NLGN1: variants seen among roughly 807,000 people sequenced by gnomAD.
NLGN1 encodes neuroligin 1.
Under a neutral mutation model 65.5 loss-of-function variants are expected in NLGN1, and 12 were observed. That is an observed-to-expected ratio of 0.18 (90% CI 0.12 to 0.30). The LOEUF (loss-of-function observed/expected upper bound fraction) is 0.30, where lower values mean the gene tolerates loss of function less well. Ranked by LOEUF, NLGN1 falls within the 10% of genes least tolerant of loss-of-function variation. The pLI, the probability that NLGN1 is intolerant of heterozygous loss-of-function variation, is 1.00. For missense variants in NLGN1, 750 were observed against 1,007.1 expected (o/e 0.74, Z 3.46); for synonymous variants, 350 against 359.5 (o/e 0.97, Z 0.30).
intron 4 of NLGN1, among the ~76,000 whole-genome samples, chr3:174,242,820 A>G (rs918748632): frequency 3.3e-5 from 5 of 152,168 alleles, no homozygotes; most frequent in Non-Finnish European, 7.3e-5. Flanking sequence ...CATCCATGGA[A>G]AAATTGGCTT....
chr3:173,708,335 G>C lies in NLGN1; in HGVS notation c.494-99345G>C, dbSNP rs147663501. Among the ~76,000 whole-genome samples the C allele has an allele frequency of 7.9e-5, 12 of 152,274 alleles. No individual in the cohort carries two copies. In the East Asian group the frequency reaches 2.1e-3, roughly 27 times the overall value. On this transcript the variant is annotated intron_variant, in intron 3 of 6. Transcript: ENST00000457714. ...GCAGAAGGCCCCTCCCTTGTTGCCT[G>C]ATCAGTTTCCTTTTCATCCCCAGCT...
At chr3:173,501,199 A>G (rs1439667734) in intron 2 of NLGN1, among the ~76,000 whole-genome samples, 1 of 151,946 alleles carries the variant, frequency 6.6e-6, no homozygotes, top group Non-Finnish European at 1.5e-5. Flanking sequence ...CTATCAACCC[A>G]TCATCTAGGT....
At chr3:173,836,247 A>G (rs571334841) in intron 4 of NLGN1, among the ~76,000 whole-genome samples, 89 of 152,318 alleles carry the variant, frequency 5.8e-4, no homozygotes, top group African/African-American at 1.9e-3. Flanking sequence ...TGATAATTCT[A>G]TAATGACTTA....
rs528782934 is a variant in NLGN1 at position 173,413,834 on chromosome 3, CA to C, written c.-390+15351del. Reference sequence around the variant, plus strand: ...CAGGTGATTCTGGCTACCCTATGGGCAAAAGGTTTCAAGAACCTTCTTCTCC... The same window carrying C: ...CAGGTGATTCTGGCTACCCTATGGGCAAAGGTTTCAAGAACCTTCTTCTCC... On this transcript the variant is annotated intron_variant, in intron 1 of 6. Transcript: ENST00000457714. Among the ~76,000 whole-genome samples the C allele has an allele frequency of 1.2e-4, 19 of 152,218 alleles. No individual in the cohort carries two copies. The Middle Eastern group carries it at 0.017, about 136-fold the overall frequency.
At chr3:173,955,146 AT>A (rs1329535197) in intron 4 of NLGN1, among the ~76,000 whole-genome samples, 1 of 151,972 alleles carries the variant, frequency 6.6e-6, no homozygotes, top group Non-Finnish European at 1.5e-5. Flanking sequence ...TCATAGAATT[AT>A]CATAAGTCAG....
intron 4 of NLGN1, among the ~76,000 whole-genome samples, chr3:173,943,706 C>T (rs1284838052): frequency 2.6e-5 from 4 of 152,092 alleles, no homozygotes; most frequent in African/African-American, 7.2e-5. Context: ...AATTTTCTTC[C>T]CTGCCATTTT....
chr3:173,685,117 A>G (rs1347950459), intron 3 of NLGN1, among the ~76,000 whole-genome samples: 1 of 152,164 alleles, frequency 6.6e-6, no homozygotes, highest in East Asian at 1.9e-4. Flanking sequence ...ATGGAAACTC[A>G]TTTAATAATG....
chr3:173,792,559 A>T (rs938327926), intron 3 of NLGN1, among the ~76,000 whole-genome samples: 2 of 152,098 alleles, frequency 1.3e-5, no homozygotes, highest in Non-Finnish European at 2.9e-5. Context: ...AACTTTAAGG[A>T]ATCAAACATA....
chr3:174,113,006 A>G (rs1219178967), intron 4 of NLGN1, among the ~76,000 whole-genome samples: 4 of 151,946 alleles, frequency 2.6e-5, no homozygotes, highest in Non-Finnish European at 5.9e-5. Context: ...ACACATATAC[A>G]TAGTATCTTC....
intron 2 of NLGN1, among the ~76,000 whole-genome samples, chr3:173,565,625 G>T (rs1432467196): frequency 1.3e-5 from 2 of 152,058 alleles, no homozygotes; most frequent in Non-Finnish European, 2.9e-5. Context: ...GGAAAATAGA[G>T]GAAAACTACA....
chr3:173,640,584 T>G (rs754195663), intron 3 of NLGN1, among the ~76,000 whole-genome samples: 29 of 152,154 alleles, frequency 1.9e-4, no homozygotes, highest in Non-Finnish European at 3.5e-4. Flanking sequence ...AATACAATAA[T>G]CTGATAACAT....
At chr3:173,751,219 A>G (rs867074037) in intron 3 of NLGN1, among the ~76,000 whole-genome samples, 2 of 152,032 alleles carry the variant, frequency 1.3e-5, no homozygotes, top group African/African-American at 4.8e-5. Flanking sequence ...TAGATACACT[A>G]TTTGCTTTTT....
intron 4 of NLGN1, among the ~76,000 whole-genome samples, chr3:173,860,712 A>G (rs928015216): frequency 6.6e-6 from 1 of 152,208 alleles, no homozygotes; most frequent in Non-Finnish European, 1.5e-5. Context: ...AATAAAGAGA[A>G]CTGAGAACTG....
At chr3:174,005,219 T>G (rs1241966360) in intron 4 of NLGN1, among the ~76,000 whole-genome samples, 1 of 152,182 alleles carries the variant, frequency 6.6e-6, no homozygotes, top group African/African-American at 2.4e-5. Flanking sequence ...TTCCTTGAAT[T>G]GTATGTCCCA....
intron 4 of NLGN1, among the ~76,000 whole-genome samples, chr3:174,147,401 T>C (rs939962928): frequency 5.3e-5 from 8 of 150,400 alleles, no homozygotes; most frequent in African/African-American, 2.0e-4. Context: ...ATCTGAATTT[T>C]TGTGTAATGG....
chr3:173,590,495 A>G (rs1437268890), intron 2 of NLGN1, among the ~76,000 whole-genome samples: 1 of 152,130 alleles, frequency 6.6e-6, no homozygotes, highest in Non-Finnish European at 1.5e-5. Flanking sequence ...AACCTCCACC[A>G]TAGTAGGGGA....
At chr3:173,437,850 T>C (rs1004149136) in intron 2 of NLGN1, among the ~76,000 whole-genome samples, 1 of 152,042 alleles carries the variant, frequency 6.6e-6, no homozygotes, top group Non-Finnish European at 1.5e-5. Context: ...AAAGGTCTGC[T>C]ATCTTTGCCT....
At chr3:174,209,006 C>A (rs762416999) in intron 4 of NLGN1, among the ~76,000 whole-genome samples, 6 of 152,154 alleles carry the variant, frequency 3.9e-5, no homozygotes, top group Non-Finnish European at 8.8e-5. Context: ...TCACCGCAGC[C>A]TCTGCCTCCC....
intron 4 of NLGN1, among the ~76,000 whole-genome samples, chr3:174,235,839 T>G (rs1484589887): frequency 2.0e-5 from 3 of 152,138 alleles, no homozygotes; most frequent in Non-Finnish European, 4.4e-5. Flanking sequence ...GAACGTGACC[T>G]AAAAAAGGCA....
Sources: allele counts gnomAD v4.1 joint callset (sites outside exome capture counted in the v4.1 genomes callset), GRCh38; gene constraint gnomAD v4.1.1; transcripts MANE v1.5; gene names NCBI Gene and HGNC (gene_info 2026-07-23, HGNC 2026-07-21).